Variants in ANKS1B observed in about 807,000 individuals in gnomAD.
ANKS1B encodes ankyrin repeat and sterile alpha motif domain containing 1B, also known as ankyrin repeat and sterile alpha motif domain-containing protein 1B.
A neutral mutation model predicts 148.3 loss-of-function variants in ANKS1B; 36 were observed. The observed-to-expected ratio is 0.24, with a 90% CI of 0.19 to 0.32. The LOEUF (loss-of-function observed/expected upper bound fraction) is 0.32, where lower values mean the gene tolerates loss of function less well. Ranked by LOEUF, ANKS1B falls within the 10% of genes least tolerant of loss-of-function variation. The probability of loss-of-function intolerance (pLI) is 1.00; values close to 1 mark genes in which losing one functional copy is unlikely to be tolerated. For missense variants in ANKS1B, 1,157 were observed against 1,542.6 expected, an observed-to-expected ratio of 0.75 and a Z score of 4.19; for synonymous variants, 542 against 560.8, an observed-to-expected ratio of 0.97 and a Z score of 0.47.
chr12:99,473,672 A>G (rs2096275269), intron 10 of ANKS1B, among the ~76,000 whole-genome samples: 1 of 152,028 alleles, frequency 6.6e-6, no homozygotes. Flanking sequence ...CTTAATTTAA[A>G]TGTCCCTGTT....
At chr12:99,488,257 T>C (rs945102326) in intron 10 of ANKS1B, among the ~76,000 whole-genome samples, 1 of 152,164 alleles carries the variant, frequency 6.6e-6, no homozygotes. Context: ...AAAAAGCATA[T>C]AGCAAGAATT....
chr12:99,923,131 A>C (rs1327602156), intron 1 of ANKS1B, among the ~76,000 whole-genome samples: 1 of 152,188 alleles, frequency 6.6e-6, no homozygotes, highest in African/African-American at 2.4e-5. Context: ...AACTCACCTA[A>C]TATGGCTTCA....
At chr12:99,026,245 G>A (rs565383562) in intron 17 of ANKS1B, among the ~76,000 whole-genome samples, 1 of 152,280 alleles carries the variant, frequency 6.6e-6, no homozygotes, top group Middle Eastern at 3.4e-3. Flanking sequence ...CTTGACAGTG[G>A]TTCTGGGTTC....
chr12:98,997,371 A>G (rs2153346371), intron 17 of ANKS1B, among the ~76,000 whole-genome samples: 1 of 151,906 alleles, frequency 6.6e-6, no homozygotes, highest in East Asian at 1.9e-4. Context: ...AAAAAACTAA[A>G]TATTAAAAAT....
intron 12 of ANKS1B, among the ~76,000 whole-genome samples, chr12:99,291,836 G>A (rs905319447): frequency 6.6e-6 from 1 of 152,070 alleles, no homozygotes; most frequent in Non-Finnish European, 1.5e-5. Context: ...CAGAACAGAA[G>A]CCTCAAAAAT....
At position 99,488,713 on chromosome 12, in the gene ANKS1B, G is replaced by A. The variant is rs187229472; in HGVS notation, c.1438+15763C>T. Among the ~76,000 whole-genome samples, 131 of 152,244 alleles carry A rather than the reference G, an allele frequency of 8.6e-4. 1 individual carries two copies. Among genetic ancestry groups the A allele is most frequent in the Non-Finnish European group, 4.0e-4 (27 of 68,010 alleles). ...TCTGCCCACTGCTGGACCAAGTCAC[G>A]AGCTGGGCTGCTATTCAAGTCCCAC... is the stretch of plus-strand genomic sequence containing the variant. On this transcript the variant is annotated intron_variant, in intron 10 of 26. Coordinates refer to ENST00000683438, the MANE Select transcript of ANKS1B (RefSeq NM_001352186.2).
rs146856455 is a variant in ANKS1B, at chr12:99,966,796, T to C, written c.134+17308A>G. ...TAATGATAGGCTTACTAGGAACCCA[T>C]TAATCTCATGGATTACAGCACAGCA... On this transcript the variant is annotated intron_variant, in intron 1 of 26. Coordinates refer to ENST00000683438, the MANE Select transcript of ANKS1B (RefSeq NM_001352186.2). Among the ~76,000 whole-genome samples the C allele has an allele frequency of 3.9e-3, 593 of 152,356 alleles. 1 individual carries two copies. Among genetic ancestry groups the C allele is most frequent in the Middle Eastern group, 0.01 (3 of 294 alleles).
intron 1 of ANKS1B, among the ~76,000 whole-genome samples, chr12:99,895,226 C>T (rs2093338361): frequency 6.7e-6 from 1 of 150,008 alleles, no homozygotes. Flanking sequence ...AAAAAATGAC[C>T]ACCCAGAAGC....
intron 9 of ANKS1B, among the ~76,000 whole-genome samples, chr12:99,577,036 AG>A (rs1266611310): frequency 6.6e-5 from 10 of 152,044 alleles, no homozygotes; most frequent in African/African-American, 2.4e-4. Flanking sequence ...TTGCACCTAG[AG>A]GAACTAAAAA....
At chr12:99,133,416 A>G (rs939914319) in intron 15 of ANKS1B, among the ~76,000 whole-genome samples, 1 of 152,154 alleles carries the variant, frequency 6.6e-6, no homozygotes, top group African/African-American at 2.4e-5. Flanking sequence ...TAACCCCTTC[A>G]TAAAAAATAA....
At chr12:99,114,867 T>TG (rs555331142) in intron 15 of ANKS1B, among the ~76,000 whole-genome samples, 7 of 152,070 alleles carry the variant, frequency 4.6e-5, no homozygotes, top group African/African-American at 1.4e-4. Context: ...AAGAATCATA[T>TG]GAAAAAAAGC....
chr12:99,498,283 T>A (rs1794161159), intron 10 of ANKS1B, among the ~76,000 whole-genome samples: 1 of 152,222 alleles, frequency 6.6e-6, no homozygotes, highest in South Asian at 2.1e-4. Context: ...ACTTCTGCTG[T>A]CAGATGAAAT....
At chr12:99,504,056 A>C (rs1471556383) in intron 10 of ANKS1B, among the ~76,000 whole-genome samples, 1 of 152,170 alleles carries the variant, frequency 6.6e-6, no homozygotes, top group African/African-American at 2.4e-5. Context: ...AAAATAATGA[A>C]TCTGATAATG....
chr12:99,131,077 T>C (rs2065953702), intron 15 of ANKS1B, among the ~76,000 whole-genome samples: 1 of 152,192 alleles, frequency 6.6e-6, no homozygotes, highest in South Asian at 2.1e-4. Flanking sequence ...TGAACCTCTC[T>C]CTTCCACTTG....
intron 9 of ANKS1B, among the ~76,000 whole-genome samples, chr12:99,573,633 A>T (rs2097485589): frequency 6.6e-6 from 1 of 152,028 alleles, no homozygotes; most frequent in Non-Finnish European, 1.5e-5. Context: ...CTTTATGATG[A>T]CTATTTCAGA....
At chr12:99,114,300 T>C (rs143974630) in intron 15 of ANKS1B, among the ~76,000 whole-genome samples, 5 of 152,216 alleles carry the variant, frequency 3.3e-5, no homozygotes, top group South Asian at 4.1e-4. Flanking sequence ...ATGCTAACGA[T>C]TGACATTTGT....
At chr12:99,193,605 G>A (rs1490836904) in intron 14 of ANKS1B, among the ~76,000 whole-genome samples, 1 of 152,016 alleles carries the variant, frequency 6.6e-6, no homozygotes, top group African/African-American at 2.4e-5. Context: ...CTTGTCTTAT[G>A]TTGTAGGAGT....
chr12:99,113,236 C>A (rs1011707691), intron 15 of ANKS1B, among the ~76,000 whole-genome samples: 1 of 151,918 alleles, frequency 6.6e-6, no homozygotes, highest in African/African-American at 2.4e-5. Flanking sequence ...CTAAACTTAA[C>A]GTGTCCTCAA....
chr12:99,875,129 C>G (rs1020547981), intron 1 of ANKS1B, among the ~76,000 whole-genome samples: 1 of 152,098 alleles, frequency 6.6e-6, no homozygotes, highest in African/African-American at 2.4e-5. Context: ...GCTGAGAATC[C>G]TTTAAAAGAT....
Sources: allele counts gnomAD v4.1 joint callset (sites outside exome capture counted in the v4.1 genomes callset), GRCh38; gene constraint gnomAD v4.1.1; transcripts MANE v1.5; gene names NCBI Gene and HGNC (gene_info 2026-07-23, HGNC 2026-07-21).